The following PNPLA8 variants were observed in gnomAD, a reference collection of about 807,000 sequenced individuals.
The protein encoded by PNPLA8 is calcium-independent phospholipase A2-gamma.
A neutral mutation model predicts 76.9 loss-of-function variants in PNPLA8; 39 were observed. The ratio of observed to expected loss-of-function variants is 0.51; its 90% CI spans 0.39 to 0.66. The LOEUF is 0.66. Among genes scored for constraint, PNPLA8 ranks in the 30% least tolerant of loss-of-function variants. The probability of loss-of-function intolerance (pLI) is 0.00; values close to 1 mark genes in which losing one functional copy is unlikely to be tolerated. For missense variants in PNPLA8, 887 were observed against 918.0 expected, an observed-to-expected ratio of 0.97 and a Z score of 0.44; for synonymous variants, 301 against 307.9, an observed-to-expected ratio of 0.98 and a Z score of 0.24.
intron 9 of PNPLA8, among the ~76,000 whole-genome samples, chr7:108,484,771 T>C (rs1167890488): frequency 6.6e-6 from 1 of 152,182 alleles, no homozygotes; most frequent in Non-Finnish European, 1.5e-5. Context: ...TGGGTTTACA[T>C]TCTTTTTGTC....
At chr7:108,518,287 T>G (rs576903570) in intron 2 of PNPLA8, 1 of 152,220 alleles carries the variant, frequency 6.6e-6, no homozygotes, top group South Asian at 2.1e-4. Context: ...TGTATAACAC[T>G]CTAGAAAGGC....
chr7:108,517,088 T>C lies in PNPLA8; in HGVS notation c.-83-1514A>G, dbSNP rs184850617. On this transcript the variant is annotated intron_variant, in intron 2 of 10. Transcript: ENST00000257694. ...ATAAGAAAACAAACTCAATTACAAATGTGCCAAAGGCCGTAACAGACACCT... is the reference window on the plus strand; with the variant it reads ...ATAAGAAAACAAACTCAATTACAAACGTGCCAAAGGCCGTAACAGACACCT... 2.0e-4 allele frequency among the ~76,000 whole-genome samples: 30 copies of C among 152,288 alleles called. No homozygotes were observed. In the East Asian group the frequency reaches 3.5e-3, roughly 18 times the overall value.
At chr7:108,478,916 ATGT>A (rs1860188779) in intron 10 of PNPLA8, among the ~76,000 whole-genome samples, 1 of 152,198 alleles carries the variant, frequency 6.6e-6, no homozygotes, top group South Asian at 2.1e-4. Flanking sequence ...CTCCAACAAA[ATGT>A]TGTGCTATCC....
At position 108,471,670 on chromosome 7, in the gene PNPLA8, C is replaced by G; in HGVS notation, c.*731G>C. Reference sequence around the variant, plus strand: ...TTTGTTAATGATAGGAATATCTCCTCAGTAAGTTCAAACCATTTTATAACA... The same window carrying G: ...TTTGTTAATGATAGGAATATCTCCTGAGTAAGTTCAAACCATTTTATAACA... On this transcript the variant is annotated 3_prime_UTR_variant, in exon 11 of 11. Transcript: ENST00000257694. 1 of 152,172 alleles carries G rather than the reference C, an allele frequency of 6.6e-6. No homozygotes were observed. Among genetic ancestry groups the G allele is most frequent in the East Asian group, 1.9e-4 (1 of 5,192 alleles). The allele number at this position is 152,172 out of a possible 1,614,324, so 9.4% of individuals were successfully genotyped here. A position where few individuals can be genotyped will look rare whatever the true frequency, so the allele number is the denominator to read the frequency against.
chr7:108,487,193 C>T (rs1392832846), intron 9 of PNPLA8, among the ~76,000 whole-genome samples: 2 of 152,144 alleles, frequency 1.3e-5, no homozygotes, highest in African/African-American at 4.8e-5. Flanking sequence ...AACTCTGTAA[C>T]TTAACAGCTG....
chr7:108,500,796 C>T (rs1316104430), intron 5 of PNPLA8, among the ~76,000 whole-genome samples: 1 of 152,054 alleles, frequency 6.6e-6, no homozygotes, highest in Admixed American at 6.6e-5. Flanking sequence ...ATAATCCCAG[C>T]TACTTGGGGA....
chr7:108,506,828 A>G (rs1862466984), intron 4 of PNPLA8, among the ~76,000 whole-genome samples: 1 of 152,272 alleles, frequency 6.6e-6, no homozygotes, highest in South Asian at 2.1e-4. Flanking sequence ...TTTTGGGAAC[A>G]GTATTTGGAG....
At chr7:108,524,790 G>C (rs933249986) in intron 1 of PNPLA8, among the ~76,000 whole-genome samples, 6 of 152,176 alleles carry the variant, frequency 3.9e-5, no homozygotes, top group Admixed American at 3.9e-4. Flanking sequence ...CTGGGCGACA[G>C]AGAGAGACTC....
intron 2 of PNPLA8, 123 bp from the exon 3 acceptor site, chr7:108,515,697 C>G: frequency 2.6e-6 from 1 of 388,828 alleles, no homozygotes. Context: ...CAAAATATTC[C>G]TATTATAGCT....
intron 7 of PNPLA8, among the ~76,000 whole-genome samples, chr7:108,493,317 T>G (rs1051397421): frequency 6.6e-6 from 1 of 152,166 alleles, no homozygotes; most frequent in Non-Finnish European, 1.5e-5. Flanking sequence ...AAAAATTTCA[T>G]AGTAGAGAAG....
At chr7:108,487,613 T>C (rs1860832587) in intron 9 of PNPLA8, 146 bp downstream of exon 9, 1 of 475,784 alleles carries the variant, frequency 2.1e-6, no homozygotes, top group Non-Finnish European at 3.7e-6. Flanking sequence ...AATAAAAATA[T>C]CCTAAATTGT....
chr7:108,527,718 T>C (rs1864141843), upstream of PNPLA8: 1 of 152,210 alleles, frequency 6.6e-6, no homozygotes, highest in Admixed American at 6.5e-5. Context: ...ACTTACAAGA[T>C]TCTTGCTGAA....
At chr7:108,513,686 G>A (rs1490654863) in intron 4 of PNPLA8, among the ~76,000 whole-genome samples, 1 of 151,976 alleles carries the variant, frequency 6.6e-6, no homozygotes, top group Admixed American at 6.5e-5. Flanking sequence ...GCAAAGAAAA[G>A]CTCATTGTTT....
chr7:108,485,291 T>G (rs1263874966), intron 9 of PNPLA8, among the ~76,000 whole-genome samples: 1 of 152,166 alleles, frequency 6.6e-6, no homozygotes, highest in East Asian at 1.9e-4. Context: ...TGGGAGCTAC[T>G]CACAAAGAAT....
At chr7:108,489,368 CA>C (rs1424680677) in intron 8 of PNPLA8, among the ~76,000 whole-genome samples, 2 of 152,186 alleles carry the variant, frequency 1.3e-5, no homozygotes, top group Non-Finnish European at 2.9e-5. Flanking sequence ...AGAACTCTAT[CA>C]TTTCCTGGAA....
At position 108,497,472 on chromosome 7, in the gene PNPLA8, A is replaced by G. The variant is rs368765287; in HGVS notation, c.1453+11T>C. ...TGCCAGAATGCACCACTTCCATATA[A>G]TAATAATTACCTGTGCTTACACCAC... On this transcript the variant is annotated intron_variant, in intron 6 of 10. Coordinates refer to ENST00000257694, the MANE Select transcript of PNPLA8 (RefSeq NM_001256007.3). 1.3e-6 allele frequency: 2 copies of G among 1,527,032 alleles called. No homozygotes were observed. The allele number at this position is 1,527,032 out of a possible 1,614,324, so 94.6% of individuals were successfully genotyped here. A position where few individuals can be genotyped will look rare whatever the true frequency, so the allele number is the denominator to read the frequency against.
chr7:108,526,497 G>A (rs1339957566), upstream of PNPLA8, among the ~76,000 whole-genome samples: 1 of 152,334 alleles, frequency 6.6e-6, no homozygotes, highest in South Asian at 2.1e-4. Context: ...TGGTTTGCTT[G>A]TTTGCGGGCC....
intron 9 of PNPLA8, chr7:108,480,734 A>G (rs538387594): frequency 4.0e-4 from 167 of 418,926 alleles, no homozygotes; most frequent in Non-Finnish European, 7.2e-4. Flanking sequence ...TCATTGTAAA[A>G]TATTTTAATT....
intron 5 of PNPLA8, among the ~76,000 whole-genome samples, chr7:108,497,952 C>T (rs1196325832): frequency 1.3e-5 from 2 of 148,714 alleles, no homozygotes; most frequent in Non-Finnish European, 3.0e-5. Context: ...TCACTTGAGG[C>T]CAGGAGTTCA....
Sources: allele counts gnomAD v4.1 joint callset (sites outside exome capture counted in the v4.1 genomes callset), GRCh38; gene constraint gnomAD v4.1.1; transcripts MANE v1.5; gene names NCBI Gene and HGNC (gene_info 2026-07-23, HGNC 2026-07-21).